Variants in SYCP2L observed in about 807,000 individuals in gnomAD.
SYCP2L encodes the protein synaptonemal complex protein 2 like.
Under a neutral mutation model 125.8 loss-of-function variants are expected in SYCP2L, and 98 were observed. The observed-to-expected ratio is 0.78, with a 90% CI of 0.66 to 0.92. The LOEUF is 0.92. Ranked by LOEUF, SYCP2L falls within the 40% of genes least tolerant of loss-of-function variation. The probability of loss-of-function intolerance (pLI) is 0.00; values close to 1 mark genes in which losing one functional copy is unlikely to be tolerated. For synonymous variants in SYCP2L, 317 were observed against 325.4 expected (o/e 0.97, Z 0.28); for missense variants, 842 against 936.4 (o/e 0.90, Z 1.32).
At chr6:10,970,300 T>C (rs951895530) in intron 29 of SYCP2L, among the ~76,000 whole-genome samples, 8 of 152,110 alleles carry the variant, frequency 5.3e-5, no homozygotes, top group Non-Finnish European at 1.0e-4. Flanking sequence ...TCTAAGAATT[T>C]AGGGAAGGCC....
intron 29 of SYCP2L, among the ~76,000 whole-genome samples, chr6:10,973,203 A>G (rs1781804589): frequency 6.6e-6 from 1 of 152,188 alleles, no homozygotes; most frequent in Non-Finnish European, 1.5e-5. Flanking sequence ...CTCAGTTGAT[A>G]TCAGCTCCTA....
intron 14 of SYCP2L, among the ~76,000 whole-genome samples, chr6:10,916,863 A>C (rs1780703543): frequency 2.0e-5 from 3 of 152,180 alleles, no homozygotes; most frequent in Admixed American, 2.0e-4. Context: ...ATGGTGGCGC[A>C]TGCCTGTAAT....
At chr6:10,905,280 A>AATT (rs931943155) in intron 8 of SYCP2L, among the ~76,000 whole-genome samples, 22 of 151,696 alleles carry the variant, frequency 1.5e-4, no homozygotes, top group African/African-American at 5.1e-4. Flanking sequence ...TACATCTCTA[A>AATT]ATTATTATTA....
At chr6:10,917,647 T>C (rs1780714627) in intron 14 of SYCP2L, among the ~76,000 whole-genome samples, 1 of 152,222 alleles carries the variant, frequency 6.6e-6, no homozygotes, top group Non-Finnish European at 1.5e-5. Context: ...CATTCAATGT[T>C]AGTATTGAGA....
chr6:10,935,725 C>G (rs1046743071), intron 21 of SYCP2L, among the ~76,000 whole-genome samples: 2 of 152,088 alleles, frequency 1.3e-5, no homozygotes, highest in African/African-American at 2.4e-5. Flanking sequence ...GAACTCCTGA[C>G]CTCAAGTGAT....
chr6:10,971,726 C>A (rs923387395), intron 29 of SYCP2L, among the ~76,000 whole-genome samples: 1 of 151,926 alleles, frequency 6.6e-6, no homozygotes, highest in African/African-American at 2.4e-5. Flanking sequence ...CTCTTGTTGC[C>A]GAGGCTGGAG....
chr6:10,906,743 A>G (rs911283954), intron 9 of SYCP2L, among the ~76,000 whole-genome samples: 9 of 151,312 alleles, frequency 5.9e-5, no homozygotes, highest in South Asian at 2.1e-4. Flanking sequence ...GATTACAGGC[A>G]CGCACCGCCA....
intron 23 of SYCP2L, among the ~76,000 whole-genome samples, chr6:10,953,167 G>T (rs1013871129): frequency 6.6e-6 from 1 of 151,940 alleles, no homozygotes; most frequent in African/African-American, 2.4e-5. Flanking sequence ...TTTGCTTTGA[G>T]ATCATCCTTT....
At chr6:10,922,356 G>C (rs55999400) in intron 14 of SYCP2L, among the ~76,000 whole-genome samples, 1 of 151,906 alleles carries the variant, frequency 6.6e-6, no homozygotes, top group Admixed American at 6.6e-5. Context: ...AGCCCTTCTG[G>C]TTATGGAGTT....
intron 20 of SYCP2L, among the ~76,000 whole-genome samples, chr6:10,933,214 T>A (rs919107222): frequency 2.0e-5 from 3 of 152,200 alleles, no homozygotes; most frequent in Non-Finnish European, 2.9e-5. Context: ...TCAGCACATT[T>A]TTTCTGTAAA....
intron 14 of SYCP2L, among the ~76,000 whole-genome samples, chr6:10,921,041 C>A (rs1395488932): frequency 6.6e-6 from 1 of 152,148 alleles, no homozygotes; most frequent in Non-Finnish European, 1.5e-5. Flanking sequence ...ATGTTCTCCC[C>A]CAACATACCC....
intron 23 of SYCP2L, among the ~76,000 whole-genome samples, chr6:10,953,888 T>G (rs1781452951): frequency 6.6e-6 from 1 of 152,088 alleles, no homozygotes; most frequent in Admixed American, 6.6e-5. Context: ...GATGGAGAAA[T>G]CCTTGGTGCA....
chr6:10,927,104 G>T, intron 16 of SYCP2L, 136 bp from the exon 17 acceptor site: 1 of 1,423,132 alleles, frequency 7.0e-7, no homozygotes. Flanking sequence ...TCTGATTGGA[G>T]GTTTGAGGCA....
At chr6:10,907,181 T>C (rs1780512592) in intron 9 of SYCP2L, among the ~76,000 whole-genome samples, 1 of 151,924 alleles carries the variant, frequency 6.6e-6, no homozygotes, top group Admixed American at 6.6e-5. Flanking sequence ...TTATCTCTAC[T>C]AAAAACATAA....
Position 10,902,887 on chromosome 6 carries a change from T to TG in SYCP2L, c.565_566insG (p.Phe189CysfsTer2). 1 of 1,614,198 alleles carries TG rather than the reference T, an allele frequency of 6.2e-7. No individual in the cohort carries two copies. Among genetic ancestry groups the TG allele is most frequent in the Non-Finnish European group, 8.5e-7 (1 of 1,180,038 alleles). On this transcript the variant is annotated frameshift_variant, in exon 8 of 30. Coordinates refer to ENST00000283141, the MANE Select transcript of SYCP2L (RefSeq NM_001040274.3). LOFTEE classifies it high-confidence loss of function. ...CAATTCCAAAAAGGGCTTGAAGACT[T>TG]TTAACTGCATTTTGCACGCTGTCCC...
At chr6:10,945,150 A>T (rs1477444747) in intron 23 of SYCP2L, among the ~76,000 whole-genome samples, 1 of 152,220 alleles carries the variant, frequency 6.6e-6, no homozygotes, top group Non-Finnish European at 1.5e-5. Context: ...TGACTAGAGA[A>T]CATAGTCTGT....
At chr6:10,896,099 T>C (rs1174059273) in intron 4 of SYCP2L, among the ~76,000 whole-genome samples, 3 of 152,134 alleles carry the variant, frequency 2.0e-5, no homozygotes, top group Non-Finnish European at 4.4e-5. Flanking sequence ...TGAGCCAAGA[T>C]GGTGTCACTG....
At chr6:10,928,681 G>C (rs1425116906) in intron 18 of SYCP2L, among the ~76,000 whole-genome samples, 2 of 152,188 alleles carry the variant, frequency 1.3e-5, no homozygotes, top group East Asian at 3.9e-4. Flanking sequence ...AAGAACTACA[G>C]GTGGTGCCAC....
At chr6:10,916,590 G>A (rs1780698844) in intron 14 of SYCP2L, among the ~76,000 whole-genome samples, 1 of 152,214 alleles carries the variant, frequency 6.6e-6, no homozygotes, top group African/African-American at 2.4e-5. Flanking sequence ...TGATCATTCA[G>A]TAGCAGGTTA....
Sources: allele counts gnomAD v4.1 joint callset (sites outside exome capture counted in the v4.1 genomes callset), GRCh38; gene constraint gnomAD v4.1.1; transcripts MANE v1.5; gene names NCBI Gene and HGNC (gene_info 2026-07-23, HGNC 2026-07-21).